The following PDE1A variants were observed in gnomAD, a reference collection of about 807,000 sequenced individuals.
The protein encoded by PDE1A is dual specificity calcium/calmodulin-dependent 3',5'-cyclic nucleotide phosphodiesterase 1A.
A neutral mutation model predicts 61.7 loss-of-function variants in PDE1A; 35 were observed. The ratio of observed to expected loss-of-function variants is 0.57; its 90% CI spans 0.43 to 0.75. PDE1A has a LOEUF of 0.75. Among genes scored for constraint, PDE1A ranks in the 30% least tolerant of loss-of-function variants. The pLI is 0.00. For missense variants in PDE1A, 597 were observed against 630.6 expected (o/e 0.95, Z 0.57); for synonymous variants, 232 against 213.2 (o/e 1.09, Z -0.77).
At chr2:182,417,105 T>C (rs992707533) in intron 1 of PDE1A, among the ~76,000 whole-genome samples, 2 of 152,210 alleles carry the variant, frequency 1.3e-5, no homozygotes, top group Non-Finnish European at 2.9e-5. Flanking sequence ...ACGCATCCCT[T>C]CGCATGCAGA....
At chr2:182,635,623 G>A in the PDE1A span, among the ~76,000 whole-genome samples, 1 of 151,394 alleles carries the variant, frequency 6.6e-6, no homozygotes, top group African/African-American at 2.4e-5. Context: ...TCTTCGGTTG[G>A]CCAACTTTTC....
the PDE1A span, among the ~76,000 whole-genome samples, chr2:182,686,473 C>A: frequency 6.6e-6 from 1 of 152,200 alleles, no homozygotes; most frequent in East Asian, 1.9e-4. Context: ...TTAATTGTGG[C>A]CATTTTGCAT....
chr2:182,215,722 G>C (rs1356450968), intron 7 of PDE1A, among the ~76,000 whole-genome samples: 1 of 106,942 alleles, frequency 9.4e-6, no homozygotes, highest in Non-Finnish European at 1.9e-5. Flanking sequence ...CCAGGAAGAA[G>C]TTGAATCTCT....
At chr2:182,182,026 A>T (rs1174813149) in intron 13 of PDE1A, among the ~76,000 whole-genome samples, 3 of 152,168 alleles carry the variant, frequency 2.0e-5, no homozygotes, top group African/African-American at 7.2e-5. Context: ...TGTTTTTTAC[A>T]CTTTATTTTG....
the PDE1A span, among the ~76,000 whole-genome samples, chr2:182,623,852 G>A: frequency 2.0e-5 from 3 of 152,210 alleles, no homozygotes; most frequent in East Asian, 5.8e-4. Context: ...CAGGCCAGGC[G>A]CGGTGGCTCA....
At position 182,300,368 on chromosome 2, in the gene PDE1A, C is replaced by T. The variant is rs532776433; in HGVS notation, c.54-35954G>A. Among the ~76,000 whole-genome samples, 14 of 152,218 alleles carry T rather than the reference C, an allele frequency of 9.2e-5. No homozygotes were observed. The South Asian group carries it at 2.1e-3, about 23-fold the overall frequency. ...ACTGGCTGATGGAGCTAGAGTAAAA[C>T]CTGGACTTGGTTCATTGATAGGCCA... On this transcript the variant is annotated intron_variant, in intron 1 of 13. Transcript: ENST00000351439.
chr2:182,681,159 T>G, the PDE1A span, among the ~76,000 whole-genome samples: 4 of 147,944 alleles, frequency 2.7e-5, no homozygotes, highest in African/African-American at 5.0e-5. Flanking sequence ...TTTTTTTTGT[T>G]TTTTTTTTTT....
chr2:182,242,883 C>CCTCTCTCTCTCCCTCTCTCTCTCTCT (rs1553550661), intron 2 of PDE1A, among the ~76,000 whole-genome samples: 1 of 130,172 alleles, frequency 7.7e-6, no homozygotes, highest in Non-Finnish European at 1.6e-5. Context: ...TCCTCTCCTC[C>CCTCTCTCTCTCCCTCTCTCTCTCTCT]CTCTCTCTCT....
rs142734812 is a variant in PDE1A at position 182,365,341 on chromosome 2, T to C, written c.53+61237A>G. ...TTAAAATAACTCATTATTTCTACTA[T>C]TGCTGTTTTCTCCTGTTTTCATGAA... is the stretch of plus-strand genomic sequence containing the variant. On this transcript the variant is annotated intron_variant, in intron 1 of 13. Coordinates refer to ENST00000351439, the Ensembl canonical transcript of PDE1A. Among the ~76,000 whole-genome samples, 444 of 152,180 alleles carry C rather than the reference T, an allele frequency of 2.9e-3. 3 individuals carry two copies. Among genetic ancestry groups the C allele is most frequent in the African/African-American group, 0.01 (424 of 41,566 alleles).
chr2:182,486,393 A>T (rs1416532846), intron 2 of PDE1A, among the ~76,000 whole-genome samples: 1 of 152,084 alleles, frequency 6.6e-6, no homozygotes, highest in Admixed American at 6.6e-5. Context: ...TACAGAAACA[A>T]TAATATTTCT....
Position 182,512,260 on chromosome 2 carries a change from A to G in PDE1A, c.101+10016T>C, listed in dbSNP as rs1015220517. On this transcript the variant is annotated intron_variant, in intron 2 of 14. Coordinates refer to the PDE1A transcript ENST00000410103. ...GCCCCTCCAGTGCAGCAGGTGCTTA[A>G]CCTCAAGGGGCCATAAAACAAAGTC... is the stretch of plus-strand genomic sequence containing the variant. 3.9e-5 allele frequency among the ~76,000 whole-genome samples: 6 copies of G among 152,254 alleles called. No individual in the cohort carries two copies. The East Asian group carries it at 1.2e-3, about 29-fold the overall frequency.
chr2:182,447,213 T>A (rs1247617247), intron 2 of PDE1A, among the ~76,000 whole-genome samples: 1 of 151,960 alleles, frequency 6.6e-6, no homozygotes, highest in Non-Finnish European at 1.5e-5. Flanking sequence ...TTCATGTTCC[T>A]CATTATTCCT....
In PDE1A at chr2:182,389,691, C is replaced by T. The variant is rs138806086; in HGVS notation, c.53+36887G>A. Among the ~76,000 whole-genome samples, 588 of 152,226 alleles carry T rather than the reference C, an allele frequency of 3.9e-3. 2 individuals carry two copies. Among genetic ancestry groups the T allele is most frequent in the African/African-American group, 0.013 (556 of 41,552 alleles). On this transcript the variant is annotated intron_variant, in intron 1 of 13. Transcript: ENST00000351439. ...GGATTGAAGGATCCAAAGTATTGTT[C>T]CTGGGTGTGTCTGTGAGGGTGTTGC...
chr2:182,354,173 C>A (rs1340281167), intron 1 of PDE1A, among the ~76,000 whole-genome samples: 1 of 152,070 alleles, frequency 6.6e-6, no homozygotes, highest in Non-Finnish European at 1.5e-5. Flanking sequence ...GTTTTTTAGT[C>A]CACTGAACTT....
At chr2:182,192,721 A>T (rs1429515664) in intron 10 of PDE1A, among the ~76,000 whole-genome samples, 1 of 152,124 alleles carries the variant, frequency 6.6e-6, no homozygotes, top group Non-Finnish European at 1.5e-5. Context: ...AGTCCCATAG[A>T]AATGGAAACT....
intron 1 of PDE1A, among the ~76,000 whole-genome samples, chr2:182,364,258 T>C (rs1699682216): frequency 1.3e-5 from 2 of 151,734 alleles, no homozygotes; most frequent in Admixed American, 1.3e-4. Context: ...ATTAAGCAAG[T>C]GCTTTACAGG....
chr2:182,295,844 G>A (rs1017519538), intron 1 of PDE1A, among the ~76,000 whole-genome samples: 17 of 152,176 alleles, frequency 1.1e-4, no homozygotes, highest in African/African-American at 3.9e-4. Flanking sequence ...GTTAACTATT[G>A]ATTCCTTATA....
chr2:182,686,554 T>C, the PDE1A span, among the ~76,000 whole-genome samples: 1 of 152,174 alleles, frequency 6.6e-6, no homozygotes, highest in Non-Finnish European at 1.5e-5. Context: ...GACAGGCGGT[T>C]CCAAGATGGC....
the PDE1A span, among the ~76,000 whole-genome samples, chr2:182,551,585 T>G: frequency 6.6e-6 from 1 of 152,224 alleles, no homozygotes; most frequent in African/African-American, 2.4e-5. Context: ...TTCAGAGGGC[T>G]GCAGAGAAGG....
Sources: gnomAD v4.1 joint callset for allele counts (sites outside exome capture counted in the v4.1 genomes callset) on GRCh38, gnomAD v4.1.1 for gene constraint, MANE v1.5 for transcripts, NCBI Gene and HGNC (gene_info 2026-07-23, HGNC 2026-07-21) for gene names.